The following MGAT4C variants were observed in gnomAD, a reference collection of about 807,000 sequenced individuals.
MGAT4C encodes MGAT4 family member C.
In MGAT4C, 19 loss-of-function variants were observed where a neutral mutation model predicts 40.1. The observed-to-expected ratio is 0.47, with a 90% CI of 0.33 to 0.70. MGAT4C has a LOEUF of 0.70. Ranked by LOEUF, MGAT4C falls within the 30% of genes least tolerant of loss-of-function variation. The probability of loss-of-function intolerance (pLI) is 0.02; values close to 1 mark genes in which losing one functional copy is unlikely to be tolerated. For synonymous variants in MGAT4C, 181 were observed against 187.1 expected (o/e 0.97, Z 0.27); for missense variants, 491 against 563.2 (o/e 0.87, Z 1.30).
In MGAT4C at chr12:86,307,544, C is replaced by T. The variant is rs547321079; in HGVS notation, c.-57+26521G>A. On this transcript the variant is annotated intron_variant, in intron 4 of 7. Coordinates refer to the MGAT4C transcript ENST00000548651. ...GGGGTGGAGAAATGCTGTCTATGCT[C>T]GGGCAACTGCTTTTCAGCAACAATT... Among the ~76,000 whole-genome samples, 18 of 150,378 alleles carry T rather than the reference C, an allele frequency of 1.2e-4. 3 individuals carry two copies. The East Asian group carries it at 3.1e-3, about 26-fold the overall frequency.
intron 1 of MGAT4C, among the ~76,000 whole-genome samples, chr12:86,150,522 T>C (rs1376765469): frequency 6.6e-6 from 1 of 152,216 alleles, no homozygotes; most frequent in East Asian, 1.9e-4. Flanking sequence ...ACTTTTCCTT[T>C]AATTCAAAAA....
chr12:86,284,445 T>C (rs1193533202), intron 4 of MGAT4C, among the ~76,000 whole-genome samples: 1 of 151,934 alleles, frequency 6.6e-6, no homozygotes, highest in African/African-American at 2.4e-5. Context: ...AATTATTTAT[T>C]AGACGATTAT....
chr12:86,015,425 G>C (rs769675179), intron 2 of MGAT4C, among the ~76,000 whole-genome samples: 31 of 152,110 alleles, frequency 2.0e-4, no homozygotes, highest in Admixed American at 9.8e-4. Context: ...AGCTGTGAAT[G>C]CACTGTGAGT....
At chr12:86,628,816 C>T (rs574358146) in intron 2 of MGAT4C, among the ~76,000 whole-genome samples, 13 of 152,148 alleles carry the variant, frequency 8.5e-5, no homozygotes, top group African/African-American at 2.2e-4. Flanking sequence ...ACACCATTGA[C>T]GCTAGGAAGA....
intron 1 of MGAT4C, among the ~76,000 whole-genome samples, chr12:86,243,740 C>T (rs1230404388): frequency 6.6e-6 from 1 of 152,014 alleles, no homozygotes; most frequent in African/African-American, 2.4e-5. Context: ...TGAAAACGAA[C>T]CCTGAACTCC....
At chr12:86,630,062 A>T (rs894279435) in intron 2 of MGAT4C, among the ~76,000 whole-genome samples, 1 of 152,194 alleles carries the variant, frequency 6.6e-6, no homozygotes, top group Admixed American at 6.5e-5. Flanking sequence ...AAAAAATGAT[A>T]AAAGGGATAT....
chr12:86,380,839 C>T, intron 3 of MGAT4C, among the ~76,000 whole-genome samples: 1 of 151,948 alleles, frequency 6.6e-6, no homozygotes, highest in East Asian at 1.9e-4. Context: ...GATCAAAATG[C>T]CTAACGTCTA....
At chr12:86,453,357 C>G (rs1957458616) in intron 2 of MGAT4C, among the ~76,000 whole-genome samples, 1 of 152,032 alleles carries the variant, frequency 6.6e-6, no homozygotes, top group African/African-American at 2.4e-5. Context: ...GAAACACAAC[C>G]ATATTTCTAT....
At chr12:86,289,692 C>T (rs1468872517) in intron 4 of MGAT4C, among the ~76,000 whole-genome samples, 1 of 152,088 alleles carries the variant, frequency 6.6e-6, no homozygotes, top group African/African-American at 2.4e-5. Flanking sequence ...GCATTCTTGA[C>T]TGGGATCTCA....
At chr12:86,429,174 T>C (rs1956986316) in intron 3 of MGAT4C, among the ~76,000 whole-genome samples, 1 of 152,164 alleles carries the variant, frequency 6.6e-6, no homozygotes, top group Admixed American at 6.5e-5. Flanking sequence ...TTTGTGTTTG[T>C]CTCAAGATTT....
At chr12:86,803,458 T>G (rs994780343) in intron 1 of MGAT4C, among the ~76,000 whole-genome samples, 1 of 151,904 alleles carries the variant, frequency 6.6e-6, no homozygotes, top group African/African-American at 2.4e-5. Context: ...CAAAAGAAAC[T>G]ACCATCAGAG....
At chr12:86,514,142 TGTATAAAA>T (rs1210674019) in intron 2 of MGAT4C, among the ~76,000 whole-genome samples, 5 of 151,526 alleles carry the variant, frequency 3.3e-5, no homozygotes, top group African/African-American at 1.2e-4. Context: ...GGAGAATTAC[TGTATAAAA>T]GCATTTTAAG....
chr12:86,749,871 T>G (rs1014122927), intron 1 of MGAT4C, among the ~76,000 whole-genome samples: 1 of 151,826 alleles, frequency 6.6e-6, no homozygotes, highest in Non-Finnish European at 1.5e-5. Context: ...TAATAGGCAC[T>G]GAGAATATAG....
chr12:86,502,396 A>C (rs973297231), intron 2 of MGAT4C, among the ~76,000 whole-genome samples: 37 of 152,048 alleles, frequency 2.4e-4, no homozygotes, highest in Admixed American at 2.2e-3. Context: ...TAGGGCACTG[A>C]AACTATTCTG....
intron 2 of MGAT4C, among the ~76,000 whole-genome samples, chr12:86,606,941 A>C (rs1184803845): frequency 6.6e-6 from 1 of 152,100 alleles, no homozygotes; most frequent in Non-Finnish European, 1.5e-5. Context: ...AATTCATAAA[A>C]TGATTTAACA....
At chr12:86,691,070 A>G (rs1247861851) in intron 2 of MGAT4C, among the ~76,000 whole-genome samples, 2 of 152,234 alleles carry the variant, frequency 1.3e-5, no homozygotes, top group Non-Finnish European at 2.9e-5. Flanking sequence ...CAGTTATTCA[A>G]CACCTAAACT....
chr12:86,165,578 A>G (rs951540977), intron 1 of MGAT4C, among the ~76,000 whole-genome samples: 5 of 152,116 alleles, frequency 3.3e-5, no homozygotes, highest in African/African-American at 1.2e-4. Context: ...TTCTTTCTTC[A>G]TTATTCTCAA....
intron 2 of MGAT4C, among the ~76,000 whole-genome samples, chr12:86,577,147 G>C (rs1275305194): frequency 6.6e-6 from 1 of 151,484 alleles, no homozygotes; most frequent in Admixed American, 6.6e-5. Context: ...ACTGATTTTT[G>C]TACAATGATT....
chr12:86,054,739 G>C (rs1370152403), intron 1 of MGAT4C, among the ~76,000 whole-genome samples: 1 of 151,600 alleles, frequency 6.6e-6, no homozygotes, highest in Non-Finnish European at 1.5e-5. Flanking sequence ...ATAAAACAAT[G>C]ACAACAAAAG....
Sources: allele counts gnomAD v4.1 joint callset (sites outside exome capture counted in the v4.1 genomes callset), GRCh38; gene constraint gnomAD v4.1.1; transcripts MANE v1.5; gene names NCBI Gene and HGNC (gene_info 2026-07-23, HGNC 2026-07-21).